FHIT: variants seen among roughly 807,000 people sequenced by gnomAD.
The protein encoded by FHIT is bis(5'-adenosyl)-triphosphatase.
FHIT carries 19 observed loss-of-function variants against 17.9 expected under a neutral mutation model. That is an observed-to-expected ratio of 1.06 (90% CI 0.74 to 1.56). The LOEUF is 1.56. FHIT is among the 40% of genes most tolerant of loss of function. The probability of loss-of-function intolerance (pLI) is 0.00; values close to 1 mark genes in which losing one functional copy is unlikely to be tolerated. For missense variants in FHIT, 248 were observed against 189.2 expected (o/e 1.31, Z -1.82); for synonymous variants, 81 against 69.7 (o/e 1.16, Z -0.81).
chr3:60,429,307 C>T (rs1047987633), intron 5 of FHIT, among the ~76,000 whole-genome samples: 1 of 151,842 alleles, frequency 6.6e-6, no homozygotes, highest in Non-Finnish European at 1.5e-5. Flanking sequence ...AAAAAAAGTC[C>T]TAGAAATGGT....
At chr3:60,539,985 T>A (rs1045490015) in intron 4 of FHIT, among the ~76,000 whole-genome samples, 87 of 150,144 alleles carry the variant, frequency 5.8e-4, no homozygotes, top group African/African-American at 2.1e-3. Flanking sequence ...TAAATTAAAA[T>A]AAAAAAGAAG....
chr3:59,933,195 T>C (rs939890550), intron 7 of FHIT, among the ~76,000 whole-genome samples: 1 of 152,166 alleles, frequency 6.6e-6, no homozygotes, highest in Admixed American at 6.6e-5. Flanking sequence ...TGTGGGTTCT[T>C]TCACGGGCTG....
intron 4 of FHIT, among the ~76,000 whole-genome samples, chr3:60,797,441 G>T (rs1174992063): frequency 7.0e-6 from 1 of 142,842 alleles, no homozygotes; most frequent in Non-Finnish European, 1.5e-5. Flanking sequence ...ACAGATTCTG[G>T]CATAAAGAAA....
intron 1 of FHIT, among the ~76,000 whole-genome samples, chr3:61,223,792 G>A (rs1462876781): frequency 6.6e-6 from 1 of 152,126 alleles, no homozygotes; most frequent in Non-Finnish European, 1.5e-5. Flanking sequence ...AACACGATGG[G>A]TCTAACACTT....
chr3:59,898,200 C>A (rs1349248926), intron 8 of FHIT, among the ~76,000 whole-genome samples: 1 of 152,110 alleles, frequency 6.6e-6, no homozygotes, highest in African/African-American at 2.4e-5. Flanking sequence ...ATATTACATA[C>A]AATTATCTTC....
intron 7 of FHIT, among the ~76,000 whole-genome samples, chr3:59,931,681 T>C (rs1705978264): frequency 6.6e-6 from 1 of 152,050 alleles, no homozygotes; most frequent in Non-Finnish European, 1.5e-5. Context: ...AAATTCAGTT[T>C]AAACAAAAAA....
intron 5 of FHIT, among the ~76,000 whole-genome samples, chr3:60,383,898 CA>C (rs1458402589): frequency 6.6e-6 from 1 of 151,834 alleles, no homozygotes; most frequent in Non-Finnish European, 1.5e-5. Flanking sequence ...ATATTAATTG[CA>C]AAAAAGCAAA....
chr3:60,785,878 C>CAAATG (rs1286476546), intron 4 of FHIT, among the ~76,000 whole-genome samples: 2 of 141,298 alleles, frequency 1.4e-5, no homozygotes, highest in Non-Finnish European at 3.0e-5. Flanking sequence ...AAAGCTAACT[C>CAAATG]AAATGCAACA....
At chr3:60,368,828 C>G (rs2107044331) in intron 5 of FHIT, among the ~76,000 whole-genome samples, 1 of 152,132 alleles carries the variant, frequency 6.6e-6, no homozygotes, top group African/African-American at 2.4e-5. Context: ...TGTAATACAT[C>G]TCAAAATAGT....
chr3:60,200,911 C>A (rs1044226443), intron 5 of FHIT, among the ~76,000 whole-genome samples: 1 of 152,092 alleles, frequency 6.6e-6, no homozygotes. Flanking sequence ...ATCCTTCTGT[C>A]CATTCATCCA....
intron 2 of FHIT, among the ~76,000 whole-genome samples, chr3:61,074,115 G>A (rs1206741439): frequency 6.6e-6 from 1 of 152,036 alleles, no homozygotes; most frequent in East Asian, 1.9e-4. Flanking sequence ...AGCATAAGCA[G>A]CACATGCCAA....
intron 5 of FHIT, among the ~76,000 whole-genome samples, chr3:60,169,714 C>G (rs1203953735): frequency 6.6e-6 from 1 of 152,096 alleles, no homozygotes; most frequent in Non-Finnish European, 1.5e-5. Context: ...CAAAAAGTCC[C>G]CTGGAGAAGA....
intron 3 of FHIT, among the ~76,000 whole-genome samples, chr3:60,838,901 G>A (rs905204784): frequency 6.6e-6 from 1 of 152,136 alleles, no homozygotes; most frequent in African/African-American, 2.4e-5. Flanking sequence ...TCTCAGAGAT[G>A]TGTGAACCAG....
At chr3:61,048,738 A>G (rs1227067457) in intron 2 of FHIT, among the ~76,000 whole-genome samples, 3 of 152,054 alleles carry the variant, frequency 2.0e-5, no homozygotes, top group African/African-American at 7.3e-5. Flanking sequence ...CAAATGTCCA[A>G]CAATAGACTG....
chr3:59,805,731 A>G (rs1032438893), intron 8 of FHIT, among the ~76,000 whole-genome samples: 3 of 152,194 alleles, frequency 2.0e-5, no homozygotes, highest in African/African-American at 7.2e-5. Flanking sequence ...CTTTGTGGCC[A>G]GAGTCAAATT....
At chr3:61,030,109 A>G (rs1485044764) in intron 3 of FHIT, among the ~76,000 whole-genome samples, 1 of 152,130 alleles carries the variant, frequency 6.6e-6, no homozygotes, top group Non-Finnish European at 1.5e-5. Flanking sequence ...AGCTGGGACT[A>G]CAGGCATGTA....
At chr3:61,057,491 G>C (rs2034266092) in intron 2 of FHIT, among the ~76,000 whole-genome samples, 1 of 151,838 alleles carries the variant, frequency 6.6e-6, no homozygotes, top group African/African-American at 2.4e-5. Context: ...CACACAGTAA[G>C]TACAGGAAAG....
intron 2 of FHIT, among the ~76,000 whole-genome samples, chr3:61,190,977 T>C (rs961082147): frequency 2.6e-5 from 4 of 151,622 alleles, no homozygotes; most frequent in Admixed American, 2.0e-4. Flanking sequence ...ATACACCTAA[T>C]GCTAAATGAC....
intron 5 of FHIT, among the ~76,000 whole-genome samples, chr3:60,506,900 G>A (rs186040891): frequency 5.9e-5 from 9 of 152,214 alleles, no homozygotes; most frequent in Non-Finnish European, 1.2e-4. Flanking sequence ...CATAAAAACT[G>A]ACGGATATAC....
Sources: allele counts gnomAD v4.1 joint callset (sites outside exome capture counted in the v4.1 genomes callset), GRCh38; gene constraint gnomAD v4.1.1; transcripts MANE v1.5; gene names NCBI Gene and HGNC (gene_info 2026-07-23, HGNC 2026-07-21).